Variants in NFILZ observed in about 807,000 individuals in gnomAD.
The protein encoded by NFILZ is NFIL3 like basic leucine zipper.
chr19:8,673,709 A>G (rs1483979925), intron 3 of NFILZ, among the ~76,000 whole-genome samples: 1 of 152,036 alleles, frequency 6.6e-6, no homozygotes, highest in Non-Finnish European at 1.5e-5. Flanking sequence ...AGAAATTCTC[A>G]GAGGAGTTCC....
chr19:8,665,850 A>G (rs1436657170), intron 3 of NFILZ, among the ~76,000 whole-genome samples: 1 of 152,236 alleles, frequency 6.6e-6, no homozygotes, highest in East Asian at 1.9e-4. Context: ...TTCTCCAGAC[A>G]TGCATTGGCC....
chr19:8,661,863 C>T (rs368109154), intron 3 of NFILZ, among the ~76,000 whole-genome samples: 3 of 151,972 alleles, frequency 2.0e-5, no homozygotes, highest in South Asian at 2.1e-4. Flanking sequence ...CCAGCCTGGG[C>T]GACAGAGTGA....
intron 3 of NFILZ, among the ~76,000 whole-genome samples, chr19:8,670,149 C>T (rs2043080106): frequency 1.3e-5 from 2 of 151,510 alleles, no homozygotes; most frequent in Admixed American, 1.3e-4. Flanking sequence ...GATGCCCAGG[C>T]TGGAGTGCAG....
chr19:8,645,093 C>G (rs1436439132), intron 3 of NFILZ, among the ~76,000 whole-genome samples: 3 of 127,478 alleles, frequency 2.4e-5, no homozygotes, highest in Non-Finnish European at 4.7e-5. Flanking sequence ...TTTCCATTTT[C>G]TTACTTATCA....
At chr19:8,639,814 C>T (rs12971667) in intron 3 of NFILZ, among the ~76,000 whole-genome samples, 30,288 of 151,780 alleles carry the variant, frequency 0.2, 3,346 homozygotes, top group Middle Eastern at 0.33. Context: ...ATGCGGTAGG[C>T]GTGTGTGTGT....
rs1555749442 is a variant in NFILZ at position 8,663,732 on chromosome 19, G to GTGTGTATGTGTGTGTGTGTGTA, written c.-163-10814_-163-10813insATGTGTGTGTGTGTGTATGTGT. Reference sequence around the variant, plus strand: ...GGTGTGTGTGTGTGTTTGTGTGTGTGTGTGTGTGTGTGTGTGTGTGTGTGT... The same window carrying GTGTGTATGTGTGTGTGTGTGTA: ...GGTGTGTGTGTGTGTTTGTGTGTGTGTGTGTATGTGTGTGTGTGTGTATGTGTGTGTGTGTGTGTGTGTGTGT... On this transcript the variant is annotated intron_variant, in intron 3 of 5. Coordinates refer to ENST00000691075, the MANE Select transcript of NFILZ (RefSeq NM_001378600.1). 1.5e-4 allele frequency among the ~76,000 whole-genome samples: 15 copies of GTGTGTATGTGTGTGTGTGTGTA among 102,926 alleles called. 1 individual carries two copies. Among genetic ancestry groups the GTGTGTATGTGTGTGTGTGTGTA allele is most frequent in the African/African-American group, 4.4e-4 (13 of 29,776 alleles). The allele number at this position is 102,926 out of a possible 152,430, so 67.5% of individuals were successfully genotyped here. A position where few individuals can be genotyped will look rare whatever the true frequency, so the allele number is the denominator to read the frequency against.
At chr19:8,669,727 G>T (rs149103323) in intron 3 of NFILZ, among the ~76,000 whole-genome samples, 1 of 152,170 alleles carries the variant, frequency 6.6e-6, no homozygotes, top group African/African-American at 2.4e-5. Context: ...CTGGCTGTGC[G>T]ACCTCAGGCA....
chr19:8,680,021 C>T lies in NFILZ; in HGVS notation c.*2386C>T, dbSNP rs2043138189. Among the ~76,000 whole-genome samples the T allele has an allele frequency of 6.6e-6, 1 of 151,784 alleles. No homozygotes were observed. The highest frequency in any genetic ancestry group is 1.5e-5 in the Non-Finnish European group (1 of 67,972). On this transcript the variant is annotated 3_prime_UTR_variant, in exon 6 of 6. Coordinates refer to ENST00000691075, the MANE Select transcript of NFILZ (RefSeq NM_001378600.1). ...GACCAGCCTGGCCAACATGATGAAGCCCCGTCTCTAGTAAAAATACAAAAA... is the reference window on the plus strand; with the variant it reads ...GACCAGCCTGGCCAACATGATGAAGTCCCGTCTCTAGTAAAAATACAAAAA...
In NFILZ at chr19:8,656,497, CGCAGCCCACCTTCTCCT is replaced by C. The variant is rs1239894779; in HGVS notation, c.-163-18038_-163-18022del. Among the ~76,000 whole-genome samples, 620 of 68,370 alleles carry C rather than the reference CGCAGCCCACCTTCTCCT, an allele frequency of 9.1e-3. 10 individuals carry two copies. Among genetic ancestry groups the C allele is most frequent in the African/African-American group, 0.02 (327 of 16,070 alleles). The allele number at this position is 68,370 out of a possible 152,430, so 44.9% of individuals were successfully genotyped here. On this transcript the variant is annotated intron_variant, in intron 3 of 5. Coordinates refer to ENST00000691075, the MANE Select transcript of NFILZ (RefSeq NM_001378600.1). The stretch of plus-strand genomic sequence containing the variant: ...CCTTCTCCCGCAGCCCACCTTCTCC[CGCAGCCCACCTTCTCCT>C]GCAGCCCACCTTCTCTCTGAAGCTC...
Position 8,678,179 on chromosome 19 carries a change from A to ACTTG in NFILZ, c.*544_*545insCTTG. Among the ~76,000 whole-genome samples the ACTTG allele has an allele frequency of 4.8e-5, 1 of 21,008 alleles. No homozygotes were observed. Among genetic ancestry groups the ACTTG allele is most frequent in the African/African-American group, 1.8e-4 (1 of 5,496 alleles). 13.8% of individuals were successfully genotyped at this position (21,008 alleles called of 152,430 possible). A position where few individuals can be genotyped will look rare whatever the true frequency, so the allele number is the denominator to read the frequency against. On this transcript the variant is annotated 3_prime_UTR_variant, in exon 6 of 6. Coordinates refer to ENST00000691075, the MANE Select transcript of NFILZ (RefSeq NM_001378600.1). ...CATCCATCCATCCATCCATCCATCC[A>ACTTG]TCCATCCATCCGTCCATCTATCCAT...
intron 3 of NFILZ, among the ~76,000 whole-genome samples, chr19:8,661,004 TC>T (rs2043027903): frequency 9.6e-6 from 1 of 103,772 alleles, no homozygotes; most frequent in African/African-American, 3.7e-5. Flanking sequence ...TTCCTTCCTT[TC>T]CCTTCCCTTT....
chr19:8,664,114 C>T (rs1463954416), intron 3 of NFILZ, among the ~76,000 whole-genome samples: 1 of 152,142 alleles, frequency 6.6e-6, no homozygotes, highest in African/African-American at 2.4e-5. Context: ...ACAGCCCTGA[C>T]GTCACATCAG....
At chr19:8,643,290 C>G (rs1555746818) in intron 3 of NFILZ, among the ~76,000 whole-genome samples, 1 of 152,208 alleles carries the variant, frequency 6.6e-6, no homozygotes, top group African/African-American at 2.4e-5. Context: ...CATGTTTTCA[C>G]TTCTCAAAAG....
chr19:8,680,806 G>C lies in NFILZ; in HGVS notation c.*3171G>C, dbSNP rs2043142982. ...GAACAGAGACTTGAGAGAGATGAAG[G>C]GGGGAGTCATGCATGTATCAGAGGA... On this transcript the variant is annotated 3_prime_UTR_variant, in exon 6 of 6. Coordinates refer to ENST00000691075, the MANE Select transcript of NFILZ (RefSeq NM_001378600.1). Among the ~76,000 whole-genome samples, 1 of 152,052 alleles carries C rather than the reference G, an allele frequency of 6.6e-6. No homozygotes were observed. The highest frequency in any genetic ancestry group is 1.5e-5 in the Non-Finnish European group (1 of 68,010).
At chr19:8,673,716 T>C (rs1254159565) in intron 3 of NFILZ, among the ~76,000 whole-genome samples, 2 of 151,490 alleles carry the variant, frequency 1.3e-5, no homozygotes, top group African/African-American at 4.9e-5. Context: ...CTCAGAGGAG[T>C]TCCTGGGCAT....
chr19:8,660,520 A>ATATCACATTTCCTTCCTTCCTTCTTTCCT (rs2043024594), intron 3 of NFILZ, among the ~76,000 whole-genome samples: 1 of 151,542 alleles, frequency 6.6e-6, no homozygotes, highest in Admixed American at 6.6e-5. Context: ...TTGTGTATAC[A>ATATCACATTTCCTTCCTTCCTTCTTTCCT]TATCACATTT....
chr19:8,647,793 G>GCACACACACACACACA (rs1329041998), intron 3 of NFILZ, among the ~76,000 whole-genome samples: 1 of 69,612 alleles, frequency 1.4e-5, no homozygotes. Context: ...GCGCGCGCGC[G>GCACACACACACACACA]CGCACACACA....
chr19:8,662,198 CT>C (rs1236972923), intron 3 of NFILZ, among the ~76,000 whole-genome samples: 8 of 147,050 alleles, frequency 5.4e-5, no homozygotes, highest in African/African-American at 2.0e-4. Context: ...GAGCAAGACT[CT>C]GTCTTAAAAA....
In NFILZ at chr19:8,634,864, CACAA is replaced by C. The variant is rs150599717; in HGVS notation, c.-260-748_-260-745del. 8.0e-3 allele frequency among the ~76,000 whole-genome samples: 1,206 copies of C among 150,584 alleles called. 20 individuals are homozygous for C. The highest frequency in any genetic ancestry group is 0.024 in the African/African-American group (993 of 40,900). ...CACTGCACTTTAGCCAAGACCCTAT[CACAA>C]ACAAACAAACAAACAAACAAACAAA... is the stretch of plus-strand genomic sequence containing the variant. On this transcript the variant is annotated intron_variant, in intron 2 of 5. Coordinates refer to ENST00000691075, the MANE Select transcript of NFILZ (RefSeq NM_001378600.1).
Sources: gnomAD v4.1 joint callset for allele counts (sites outside exome capture counted in the v4.1 genomes callset) on GRCh38, gnomAD v4.1.1 for gene constraint, MANE v1.5 for transcripts, NCBI Gene and HGNC (gene_info 2026-07-23, HGNC 2026-07-21) for gene names.